Variants in TTLL7 observed in about 807,000 individuals in gnomAD.
TTLL7 encodes the protein tubulin polyglutamylase TTLL7.
TTLL7 carries 53 observed loss-of-function variants against 120.2 expected under a neutral mutation model. The observed-to-expected ratio is 0.44, with a 90% CI of 0.35 to 0.55. TTLL7 has a LOEUF of 0.55. Among genes scored for constraint, TTLL7 ranks in the 20% least tolerant of loss-of-function variants. The probability of loss-of-function intolerance (pLI) is 0.00; values close to 1 mark genes in which losing one functional copy is unlikely to be tolerated. For synonymous variants in TTLL7, 353 were observed against 351.7 expected (o/e 1.00, Z -0.04); for missense variants, 803 against 1,054.7 (o/e 0.76, Z 3.31).
At chr1:83,924,937 C>T (rs775987346) in intron 10 of TTLL7, among the ~76,000 whole-genome samples, 1 of 151,694 alleles carries the variant, frequency 6.6e-6, no homozygotes, top group Non-Finnish European at 1.5e-5. Flanking sequence ...TCAAAAAGTG[C>T]CTTGTATATA....
At chr1:83,966,549 A>C (rs1650478942) in intron 1 of TTLL7, among the ~76,000 whole-genome samples, 2 of 152,108 alleles carry the variant, frequency 1.3e-5, no homozygotes, top group Admixed American at 1.3e-4. Flanking sequence ...ACCAACCTAA[A>C]TATAACCACG....
intron 6 of TTLL7, among the ~76,000 whole-genome samples, chr1:83,945,567 A>G (rs1648406732): frequency 6.6e-6 from 1 of 152,208 alleles, no homozygotes; most frequent in South Asian, 2.1e-4. Flanking sequence ...CACATTAGCA[A>G]GGAAACAGAT....
At chr1:83,963,621 G>A (rs931490319) in intron 1 of TTLL7, among the ~76,000 whole-genome samples, 2 of 151,976 alleles carry the variant, frequency 1.3e-5, no homozygotes, top group Admixed American at 1.3e-4. Context: ...ATAAGAGCAG[G>A]TTTCCTTACA....
chr1:83,913,303 C>T (rs779547448), intron 14 of TTLL7, among the ~76,000 whole-genome samples: 7 of 152,010 alleles, frequency 4.6e-5, no homozygotes, highest in Non-Finnish European at 1.0e-4. Flanking sequence ...GAATAAACAC[C>T]CACATGCCTA....
chr1:83,907,634 G>A lies in TTLL7; in HGVS notation c.1814C>T (p.Pro605Leu), dbSNP rs1419247112. The A allele has an allele frequency of 6.2e-7, 1 of 1,612,966 alleles. No homozygotes were observed. Among genetic ancestry groups the A allele is most frequent in the Non-Finnish European group, 8.5e-7 (1 of 1,179,414 alleles). The change falls in exon 16 of 21, where the codon CCT becomes CTT. Residue 605 changes from proline (P) to leucine (L), a missense_variant. Coordinates refer to ENST00000260505, the MANE Select transcript of TTLL7 (RefSeq NM_024686.6). ...AGGTGATTGAGCAGAGATGGACCGAGGGCAGCTGACTGAACGTCTTATGGA... is the reference window on the plus strand; with the variant it reads ...AGGTGATTGAGCAGAGATGGACCGAAGGCAGCTGACTGAACGTCTTATGGA... Reference protein sequence around the residue: ...PSSIRRSVSCPRSISAQSPSS... With the variant: ...PSSIRRSVSCLRSISAQSPSS...
At chr1:83,960,368 A>G (rs191339643) in intron 1 of TTLL7, among the ~76,000 whole-genome samples, 24 of 152,276 alleles carry the variant, frequency 1.6e-4, no homozygotes, top group African/African-American at 5.8e-4. Context: ...GAGAGAGAAG[A>G]TAAGAGCTTG....
chr1:83,896,225 A>G (rs1371089398), intron 18 of TTLL7, among the ~76,000 whole-genome samples: 1 of 152,090 alleles, frequency 6.6e-6, no homozygotes, highest in East Asian at 1.9e-4. Flanking sequence ...GAATATAGGT[A>G]TCCATTTCCT....
chr1:83,921,514 T>C, intron 10 of TTLL7, 120 bp from the exon 11 acceptor site: 1 of 1,051,582 alleles, frequency 9.5e-7, no homozygotes, highest in South Asian at 1.7e-5. Context: ...TTATTAAACT[T>C]ATATATTCAC....
At chr1:83,933,124 C>T (rs751272842) in intron 9 of TTLL7, among the ~76,000 whole-genome samples, 1 of 152,112 alleles carries the variant, frequency 6.6e-6, no homozygotes, top group African/African-American at 2.4e-5. Context: ...AGGTATATAA[C>T]ATGGCCTTAA....
chr1:83,977,065 T>C (rs1337578086), intron 1 of TTLL7, among the ~76,000 whole-genome samples: 5 of 151,830 alleles, frequency 3.3e-5, no homozygotes, highest in Admixed American at 3.3e-4. Flanking sequence ...TATTTAAAAA[T>C]AAATAGTATA....
chr1:83,978,083 T>C (rs958394773), intron 1 of TTLL7, among the ~76,000 whole-genome samples: 10 of 152,190 alleles, frequency 6.6e-5, no homozygotes, highest in Non-Finnish European at 1.5e-4. Context: ...TATATATTTA[T>C]GGGATAAAAA....
At chr1:83,873,215 T>TA (rs111819565) in intron 20 of TTLL7, among the ~76,000 whole-genome samples, 70 of 152,220 alleles carry the variant, frequency 4.6e-4, no homozygotes, top group African/African-American at 1.6e-3. Context: ...CGGCATGAAC[T>TA]AAAAAAAGCA....
intron 9 of TTLL7, among the ~76,000 whole-genome samples, chr1:83,929,600 GT>G (rs1206978646): frequency 1.3e-5 from 2 of 152,006 alleles, no homozygotes; most frequent in Non-Finnish European, 2.9e-5. Context: ...TATTCATCAT[GT>G]TACCAACACA....
chr1:83,983,743 A>C (rs940666897), intron 1 of TTLL7: 7 of 152,240 alleles, frequency 4.6e-5, no homozygotes, highest in African/African-American at 7.2e-5. Context: ...TAATATCCAG[A>C]ATCTGAAAGG....
chr1:83,967,998 T>A (rs1650636168), intron 1 of TTLL7, among the ~76,000 whole-genome samples: 1 of 152,010 alleles, frequency 6.6e-6, no homozygotes, highest in African/African-American at 2.4e-5. Flanking sequence ...GGGATGGCAT[T>A]TTAACCTGCA....
At chr1:83,939,071 C>T (rs1440751480) in intron 7 of TTLL7, among the ~76,000 whole-genome samples, 1 of 152,070 alleles carries the variant, frequency 6.6e-6, no homozygotes, top group Non-Finnish European at 1.5e-5. Context: ...ATTCATTAAA[C>T]AATATTTAAG....
intron 6 of TTLL7, among the ~76,000 whole-genome samples, chr1:83,946,663 C>T (rs1471173791): frequency 2.0e-5 from 3 of 152,098 alleles, no homozygotes; most frequent in Non-Finnish European, 4.4e-5. Context: ...ATTACCATGG[C>T]TACATAAAGA....
intron 1 of TTLL7, among the ~76,000 whole-genome samples, chr1:83,969,390 A>T (rs1019623493): frequency 4.6e-5 from 7 of 151,944 alleles, no homozygotes; most frequent in Non-Finnish European, 1.0e-4. Context: ...TCACTTTTGT[A>T]TATATAAATC....
Position 83,988,512 on chromosome 1 carries a change from A to C in TTLL7, c.-177+10419T>G, listed in dbSNP as rs369969928. Among the ~76,000 whole-genome samples the C allele has an allele frequency of 1.7e-4, 26 of 152,332 alleles. No homozygotes were observed. The East Asian group carries it at 4.8e-3, about 28-fold the overall frequency. ...TTTACATTCTCACCAGTAGTGTATA[A>C]GCGTTCTCTTTTCTCTGCAGCCTTG... is the stretch of plus-strand genomic sequence containing the variant. On this transcript the variant is annotated intron_variant, in intron 1 of 20. Transcript: ENST00000260505.
Sources: allele counts gnomAD v4.1 joint callset (sites outside exome capture counted in the v4.1 genomes callset), GRCh38; gene constraint gnomAD v4.1.1; transcripts MANE v1.5; gene names NCBI Gene and HGNC (gene_info 2026-07-23, HGNC 2026-07-21).